Variants in ADK observed in about 807,000 individuals in gnomAD.
The protein encoded by ADK is N6,N6-dimethyladenosine kinase.
Under a neutral mutation model 44.7 loss-of-function variants are expected in ADK, and 24 were observed. The observed-to-expected ratio is 0.54, with a 90% CI of 0.39 to 0.76. The LOEUF (loss-of-function observed/expected upper bound fraction) is 0.76. Ranked by LOEUF, ADK falls within the 30% of genes least tolerant of loss-of-function variation. ADK has a pLI of 0.00. For synonymous variants in ADK, 128 were observed against 142.6 expected, an observed-to-expected ratio of 0.90 and a Z score of 0.73; for missense variants, 321 against 425.1, an observed-to-expected ratio of 0.76 and a Z score of 2.15.
intron 6 of ADK, among the ~76,000 whole-genome samples, chr10:74,458,195 G>C (rs949146774): frequency 2.5e-5 from 3 of 122,232 alleles, no homozygotes; most frequent in African/African-American, 9.6e-5. Context: ...GCAGCGGTAT[G>C]ATCACCGCTC....
At chr10:74,203,007 G>A (rs1403815146) in intron 2 of ADK, among the ~76,000 whole-genome samples, 1 of 152,178 alleles carries the variant, frequency 6.6e-6, no homozygotes, top group Non-Finnish European at 1.5e-5. Flanking sequence ...GCTGTCATAT[G>A]TAAGAATCTA....
At chr10:74,633,276 T>C (rs1159751858) in intron 9 of ADK, among the ~76,000 whole-genome samples, 1 of 152,230 alleles carries the variant, frequency 6.6e-6, no homozygotes, top group Non-Finnish European at 1.5e-5. Context: ...GCCTTTTTGC[T>C]TAATATATCT....
At chr10:74,153,068 CAG>C (rs775292419) in intron 1 of ADK, among the ~76,000 whole-genome samples, 18 of 152,198 alleles carry the variant, frequency 1.2e-4, no homozygotes, top group East Asian at 3.9e-4. Flanking sequence ...ACTTGCTTGA[CAG>C]GGGATTGCTA....
At position 74,497,896 on chromosome 10, in the gene ADK, T is replaced by C. The variant is rs1374133360; in HGVS notation, c.556-27360T>C. On this transcript the variant is annotated intron_variant, in intron 6 of 10. Transcript: ENST00000539909. ...TGAGGAAGACCTTTTCTTTTTTTTTTTTCTTTTTTTTGAGACGGAGTCTCA... is the reference window on the plus strand; with the variant it reads ...TGAGGAAGACCTTTTCTTTTTTTTTCTTCTTTTTTTTGAGACGGAGTCTCA... Among the ~76,000 whole-genome samples, 10 of 152,186 alleles carry C rather than the reference T, an allele frequency of 6.6e-5. No homozygotes were observed. The East Asian group carries it at 1.9e-3, about 29-fold the overall frequency.
chr10:74,218,662 C>T (rs1430470964), intron 2 of ADK, among the ~76,000 whole-genome samples: 14 of 152,224 alleles, frequency 9.2e-5, no homozygotes, highest in Non-Finnish European at 1.5e-4. Flanking sequence ...AGACTAACAG[C>T]GGATCTCTCG....
At chr10:74,622,797 C>T (rs1211277261) in intron 9 of ADK, among the ~76,000 whole-genome samples, 1 of 152,070 alleles carries the variant, frequency 6.6e-6, no homozygotes, top group Non-Finnish European at 1.5e-5. Context: ...CACCTAAGGT[C>T]GGGAATTCAA....
chr10:74,370,778 A>C (rs1057411462), intron 4 of ADK, among the ~76,000 whole-genome samples: 1 of 152,014 alleles, frequency 6.6e-6, no homozygotes, highest in Non-Finnish European at 1.5e-5. Flanking sequence ...GGATCATACT[A>C]TGTTGCCCAG....
Position 74,708,621 on chromosome 10 carries a change from A to C in ADK, c.*176A>C. On this transcript the variant is annotated 3_prime_UTR_variant, in exon 11 of 11. Coordinates refer to ENST00000539909, the MANE Select transcript of ADK (RefSeq NM_006721.4). ...ATGCTTGTAGAATCTTTATTATCTC[A>C]ACAATCTAAAAAATGATGTTTATTT... The C allele has an allele frequency of 1.6e-6, 1 of 631,418 alleles. No individual in the cohort carries two copies. The highest frequency in any genetic ancestry group is 2.6e-6 in the Non-Finnish European group (1 of 389,268). The allele number at this position is 631,418 out of a possible 1,614,324, so 39.1% of individuals were successfully genotyped here.
intron 3 of ADK, among the ~76,000 whole-genome samples, chr10:74,284,555 C>G (rs747577030): frequency 5.9e-5 from 9 of 152,248 alleles, no homozygotes; most frequent in Admixed American, 3.9e-4. Context: ...TGAGCCACTG[C>G]TCCCAGCCCT....
intron 7 of ADK, among the ~76,000 whole-genome samples, chr10:74,588,374 T>G (rs7901031): frequency 0.048 from 7,257 of 152,216 alleles, 593 homozygotes; most frequent in African/African-American, 0.16. Flanking sequence ...ACATTGTTCT[T>G]GGTCATTTTC....
At chr10:74,632,439 T>C (rs746827301) in intron 9 of ADK, among the ~76,000 whole-genome samples, 19 of 152,174 alleles carry the variant, frequency 1.2e-4, no homozygotes, top group South Asian at 2.1e-4. Context: ...ATAAAAGGTA[T>C]CAGCAGGGCC....
intron 6 of ADK, among the ~76,000 whole-genome samples, chr10:74,464,230 C>A (rs757089650): frequency 2.0e-5 from 3 of 151,988 alleles, no homozygotes; most frequent in Admixed American, 1.3e-4. Context: ...GTAAGGATAT[C>A]ATGTGAGTGT....
chr10:74,460,420 A>G (rs1391270155), intron 6 of ADK, among the ~76,000 whole-genome samples: 1 of 152,134 alleles, frequency 6.6e-6, no homozygotes, highest in East Asian at 1.9e-4. Context: ...TGTGGATTTT[A>G]TTTTTTATTA....
At chr10:74,394,001 T>C (rs1327874384) in intron 4 of ADK, 140 bp from the exon 5 acceptor site, 1 of 858,994 alleles carries the variant, frequency 1.2e-6, no homozygotes, top group African/African-American at 1.7e-5. Context: ...TCGTAAGTGA[T>C]AGCACAGAAT....
At chr10:74,257,175 G>A (rs1473870860) in intron 3 of ADK, among the ~76,000 whole-genome samples, 5 of 140,544 alleles carry the variant, frequency 3.6e-5, no homozygotes, top group African/African-American at 1.4e-4. Flanking sequence ...ACATGGGCGG[G>A]TGGTTCCAGG....
intron 4 of ADK, among the ~76,000 whole-genome samples, chr10:74,351,270 G>A (rs539430500): frequency 2.0e-5 from 3 of 152,100 alleles, no homozygotes; most frequent in Admixed American, 2.0e-4. Context: ...TTCAACATAC[G>A]CAAATCAATA....
chr10:74,184,501 TTGTGTGTGTGTGTGTGTGTGTGTGTG>T (rs67693938), intron 1 of ADK, among the ~76,000 whole-genome samples: 2 of 138,418 alleles, frequency 1.4e-5, no homozygotes, highest in Admixed American at 1.5e-4. Context: ...TGGCTATATT[TTGTGTGTGTGTGTGTGTGTGTGTGTG>T]TGTGTGTGTG....
At chr10:74,364,178 A>G (rs993232103) in intron 4 of ADK, among the ~76,000 whole-genome samples, 49 of 152,148 alleles carry the variant, frequency 3.2e-4, no homozygotes, top group African/African-American at 1.2e-3. Context: ...TTCCTTCTAT[A>G]TTTAAAACCT....
chr10:74,508,236 C>T (rs1436973013), intron 6 of ADK: 1 of 151,956 alleles, frequency 6.6e-6, no homozygotes, highest in Non-Finnish European at 1.5e-5. Context: ...AGAAAGGAGG[C>T]AGGGATAGCT....
Sources: gnomAD v4.1 joint callset for allele counts (sites outside exome capture counted in the v4.1 genomes callset) on GRCh38, gnomAD v4.1.1 for gene constraint, MANE v1.5 for transcripts, NCBI Gene and HGNC (gene_info 2026-07-23, HGNC 2026-07-21) for gene names.